EFCAB5: variants seen among roughly 807,000 people sequenced by gnomAD.
The protein encoded by EFCAB5 is EF-hand calcium-binding domain-containing protein 5.
A neutral mutation model predicts 167.9 loss-of-function variants in EFCAB5; 131 were observed. That is an observed-to-expected ratio of 0.78 (90% CI 0.68 to 0.90). EFCAB5 has a LOEUF of 0.90. Ranked by LOEUF, EFCAB5 falls within the 40% of genes least tolerant of loss-of-function variation. EFCAB5 has a pLI of 0.00. For missense variants in EFCAB5, 1,663 were observed against 1,745.2 expected (o/e 0.95, Z 0.84); for synonymous variants, 574 against 602.8 (o/e 0.95, Z 0.70).
At chr17:29,982,032 G>C (rs1041850778) in intron 4 of EFCAB5, among the ~76,000 whole-genome samples, 22 of 152,126 alleles carry the variant, frequency 1.4e-4, no homozygotes, top group Non-Finnish European at 2.8e-4. Context: ...TAAGCAAAGA[G>C]AAAATAAGTA....
chr17:30,050,396 A>G (rs1156678519), intron 8 of EFCAB5, among the ~76,000 whole-genome samples: 1 of 152,056 alleles, frequency 6.6e-6, no homozygotes, highest in African/African-American at 2.4e-5. Context: ...CGGCCTCCCA[A>G]AGTGCTGGGA....
intron 3 of EFCAB5, chr17:29,968,421 A>G (rs763748678): frequency 9.5e-6 from 4 of 420,152 alleles, no homozygotes; most frequent in Non-Finnish European, 1.9e-5. Context: ...CCTCTTGGAT[A>G]ATAAAACAGA....
chr17:30,060,600 C>T (rs2070398711), intron 14 of EFCAB5, among the ~76,000 whole-genome samples: 1 of 152,176 alleles, frequency 6.6e-6, no homozygotes, highest in Admixed American at 6.5e-5. Context: ...TTAAGTTCTT[C>T]AGCCCTTTCA....
chr17:29,968,751 C>T, intron 3 of EFCAB5, 40 bp from the exon 4 acceptor site: 1 of 1,403,420 alleles, frequency 7.1e-7, no homozygotes, highest in Non-Finnish European at 9.4e-7. Context: ...TTAAAATTTA[C>T]TTCTAACATT....
intron 3 of EFCAB5, among the ~76,000 whole-genome samples, chr17:29,953,835 A>G (rs967073946): frequency 2.0e-5 from 3 of 152,206 alleles, no homozygotes; most frequent in Admixed American, 1.3e-4. Flanking sequence ...CTTCCTAGAG[A>G]CTTGTTGAAC....
chr17:30,083,091 C>A (rs781164851), intron 18 of EFCAB5, 48 bp downstream of exon 18: 3 of 1,565,852 alleles, frequency 1.9e-6, no homozygotes, highest in African/African-American at 2.7e-5. Context: ...AGCCGAGTGT[C>A]TAGATGTTAT....
At chr17:30,012,245 A>C (rs763752229) in intron 7 of EFCAB5, among the ~76,000 whole-genome samples, 3 of 152,106 alleles carry the variant, frequency 2.0e-5, no homozygotes, top group African/African-American at 7.2e-5. Flanking sequence ...AGTTTGGAGA[A>C]GACTCTACTC....
At chr17:29,952,872 T>C (rs2067540148) in intron 3 of EFCAB5, among the ~76,000 whole-genome samples, 1 of 152,154 alleles carries the variant, frequency 6.6e-6, no homozygotes, top group African/African-American at 2.4e-5. Context: ...TGCAGGTCTT[T>C]AATATTTTGT....
At chr17:29,987,351 G>T (rs958908153) in intron 4 of EFCAB5, among the ~76,000 whole-genome samples, 1 of 152,108 alleles carries the variant, frequency 6.6e-6, no homozygotes, top group African/African-American at 2.4e-5. Context: ...TCTTAGTAAG[G>T]CTTTAGATGT....
intron 3 of EFCAB5, among the ~76,000 whole-genome samples, chr17:29,955,302 G>A (rs1170918908): frequency 2.0e-5 from 3 of 152,136 alleles, no homozygotes; most frequent in Non-Finnish European, 2.9e-5. Context: ...TAATTCCCAC[G>A]TGTCATGGGA....
At chr17:29,995,101 C>T (rs2068516115) in intron 5 of EFCAB5, among the ~76,000 whole-genome samples, 1 of 152,188 alleles carries the variant, frequency 6.6e-6, no homozygotes, top group Non-Finnish European at 1.5e-5. Context: ...TTTGTCCAGG[C>T]TGGCACAAAC....
In EFCAB5 at chr17:30,057,680, A is replaced by G. The variant is rs751307954; in HGVS notation, c.2370A>G (p.Leu790=). Residue 790 remains leucine, a synonymous_variant, in exon 13 of 23, where the codon TTA becomes TTG. Transcript: ENST00000394835. ...LIYGNSRFTD[L]HSIIRNIQSC... is the part of the protein sequence containing the mutation. ...GTAATGTTTCTTGCTTGACAGATTT[A>G]CACTCAATTATCAGAAATATTCAGT... is the stretch of plus-strand genomic sequence containing the variant. 3.1e-6 allele frequency: 5 copies of G among 1,611,788 alleles called. No homozygotes were observed. The highest frequency in any genetic ancestry group is 4.2e-6 in the Non-Finnish European group (5 of 1,178,276).
Position 29,996,185 on chromosome 17 carries a change from G to T in EFCAB5, c.925-127G>T, listed in dbSNP as rs1282277369. The T allele has an allele frequency of 5.8e-6, 4 of 690,826 alleles. No individual in the cohort carries two copies. In the African/African-American group the frequency reaches 7.2e-5, roughly 12 times the overall value. 42.8% of individuals were successfully genotyped at this position (690,826 alleles called of 1,614,324 possible). On this transcript the variant is annotated intron_variant, in intron 5 of 22. Coordinates refer to ENST00000394835, the MANE Select transcript of EFCAB5 (RefSeq NM_198529.4). The stretch of plus-strand genomic sequence containing the variant: ...GTGACTTATTACTATTTCTGTCCTT[G>T]GGTTGGAAAGATCACCCAATACTAA...
At chr17:29,989,358 G>A (rs1167938595) in intron 4 of EFCAB5, among the ~76,000 whole-genome samples, 5 of 152,086 alleles carry the variant, frequency 3.3e-5, no homozygotes, top group Non-Finnish European at 2.9e-5. Context: ...AATTTTTTAC[G>A]AGTAGGTTCA....
chr17:30,030,094 C>G (rs1197466152), intron 7 of EFCAB5, among the ~76,000 whole-genome samples: 1 of 152,122 alleles, frequency 6.6e-6, no homozygotes, highest in African/African-American at 2.4e-5. Flanking sequence ...CACAAAGGCT[C>G]CCATCGATTT....
At position 29,943,617 on chromosome 17, in the gene EFCAB5, T is replaced by C. The variant is rs761661063; in HGVS notation, c.158T>C (p.Val53Ala). ...GTAAAAGAGGACACCAACAGTGTGG[T>C]GGAGAAAGCAATGGATGAAATCAAA... is the stretch of plus-strand genomic sequence containing the variant. Reference protein sequence around the residue: ...VPVKEDTNSVVEKAMDEIKSQ... With the variant: ...VPVKEDTNSVAEKAMDEIKSQ... The change falls in exon 3 of 23, where the codon GTG (valine) becomes GCG (alanine). Residue 53 changes from valine (V) to alanine (A), a missense_variant. Coordinates refer to ENST00000394835, the MANE Select transcript of EFCAB5 (RefSeq NM_198529.4). 6.3e-7 allele frequency: 1 copy of C among 1,585,228 alleles called. No individual in the cohort carries two copies. Among genetic ancestry groups the C allele is most frequent in the African/African-American group, 1.3e-5 (1 of 74,468 alleles).
intron 13 of EFCAB5, chr17:30,059,038 G>A (rs1346387834): frequency 6.6e-6 from 1 of 151,236 alleles, no homozygotes; most frequent in African/African-American, 2.4e-5. Flanking sequence ...AATGCCTGCT[G>A]TTATTTTTTT....
At chr17:29,976,527 T>C (rs1047233848) in intron 4 of EFCAB5, among the ~76,000 whole-genome samples, 3 of 152,192 alleles carry the variant, frequency 2.0e-5, no homozygotes, top group Non-Finnish European at 4.4e-5. Context: ...AACAGTGTGT[T>C]CTGCTCCTAA....
At chr17:29,970,610 C>T (rs1347810705) in intron 4 of EFCAB5, among the ~76,000 whole-genome samples, 1 of 136,536 alleles carries the variant, frequency 7.3e-6, no homozygotes, top group Non-Finnish European at 1.6e-5. Context: ...AGCCTGGGTA[C>T]CAGAGCGAGA....
Sources: allele counts gnomAD v4.1 joint callset (sites outside exome capture counted in the v4.1 genomes callset), GRCh38; gene constraint gnomAD v4.1.1; transcripts MANE v1.5; gene names NCBI Gene and HGNC (gene_info 2026-07-23, HGNC 2026-07-21).